ATG10: variants seen among roughly 807,000 people sequenced by gnomAD.
The protein encoded by ATG10 is ubiquitin-like-conjugating enzyme ATG10.
In ATG10, 30 loss-of-function variants were observed where a neutral mutation model predicts 32.1. The observed-to-expected ratio is 0.94, with a 90% confidence interval of 0.70 to 1.27. The LOEUF (loss-of-function observed/expected upper bound fraction) is 1.27. Among genes scored for constraint, ATG10 ranks in the 50% most tolerant of loss-of-function variants. The pLI, the probability that ATG10 is intolerant of heterozygous loss-of-function variation, is 0.00. For missense variants in ATG10, 233 were observed against 262.3 expected, an observed-to-expected ratio of 0.89 and a Z score of 0.77; for synonymous variants, 87 against 91.5, an observed-to-expected ratio of 0.95 and a Z score of 0.28.
chr5:81,986,304 C>T (rs761444434), intron 1 of ATG10, among the ~76,000 whole-genome samples: 10 of 152,176 alleles, frequency 6.6e-5, no homozygotes, highest in Admixed American at 1.3e-4. Context: ...GGAGCAGAGG[C>T]GCTTCGTGAT....
chr5:81,987,759 C>A, intron 2 of ATG10, 81 bp downstream of exon 2: 1 of 1,013,412 alleles, frequency 9.9e-7, no homozygotes, highest in Non-Finnish European at 1.5e-6. Flanking sequence ...CAGGTAAAAC[C>A]TCCATAATTG....
intron 5 of ATG10, among the ~76,000 whole-genome samples, chr5:82,192,767 T>C (rs1182455815): frequency 3.3e-5 from 5 of 152,192 alleles, no homozygotes; most frequent in Non-Finnish European, 4.4e-5. Flanking sequence ...TTCTATTCTA[T>C]ATAAAATAAA....
At chr5:82,204,070 A>T (rs2149967662) in intron 5 of ATG10, among the ~76,000 whole-genome samples, 1 of 152,330 alleles carries the variant, frequency 6.6e-6, no homozygotes, top group Non-Finnish European at 1.5e-5. Flanking sequence ...TATGGAAATA[A>T]ATAAAACATG....
intron 1 of ATG10, among the ~76,000 whole-genome samples, chr5:81,983,235 ACC>A (rs761540035): frequency 0.049 from 3,755 of 75,970 alleles, 134 homozygotes; most frequent in Middle Eastern, 0.11. Context: ...CTGGGGGCTG[ACC>A]CCCCCCCCCA....
intron 5 of ATG10, among the ~76,000 whole-genome samples, chr5:82,193,711 A>C (rs552722417): frequency 2.0e-4 from 31 of 152,340 alleles, no homozygotes; most frequent in Non-Finnish European, 4.1e-4. Flanking sequence ...TAAAATAATC[A>C]CTTTTGATTC....
At chr5:82,216,770 C>A (rs1745696405) in intron 5 of ATG10, among the ~76,000 whole-genome samples, 1 of 152,044 alleles carries the variant, frequency 6.6e-6, no homozygotes, top group South Asian at 2.1e-4. Flanking sequence ...AAGATGGTAG[C>A]AACAGGCCAG....
At chr5:82,084,974 C>T (rs1764619096) in intron 3 of ATG10, among the ~76,000 whole-genome samples, 1 of 152,136 alleles carries the variant, frequency 6.6e-6, no homozygotes, top group Non-Finnish European at 1.5e-5. Context: ...CAAATTCACA[C>T]AGAACAATAT....
intron 1 of ATG10, among the ~76,000 whole-genome samples, chr5:81,972,802 G>A (rs1760762491): frequency 6.6e-6 from 1 of 152,028 alleles, no homozygotes; most frequent in East Asian, 1.9e-4. Flanking sequence ...TCAAGAATTG[G>A]CGGGGAGGAC....
chr5:82,041,689 T>C lies in ATG10; in HGVS notation c.109-16806T>C, dbSNP rs530227482. Reference sequence around the variant, plus strand: ...GCTTCAGGTAAATGAGCTCTAGAAATCTTTGATGTGCTTAAAGTTTGATAA... The same window carrying C: ...GCTTCAGGTAAATGAGCTCTAGAAACCTTTGATGTGCTTAAAGTTTGATAA... On this transcript the variant is annotated intron_variant, in intron 2 of 7. Coordinates refer to ENST00000282185, the MANE Select transcript of ATG10 (RefSeq NM_031482.5). Among the ~76,000 whole-genome samples, 340 of 152,252 alleles carry C rather than the reference T, an allele frequency of 2.2e-3. 1 individual carries two copies. The highest frequency in any genetic ancestry group is 7.9e-3 in the African/African-American group (328 of 41,568).
At chr5:82,094,018 T>C (rs1764973070) in intron 3 of ATG10, among the ~76,000 whole-genome samples, 1 of 152,134 alleles carries the variant, frequency 6.6e-6, no homozygotes, top group Non-Finnish European at 1.5e-5. Flanking sequence ...CTGGGTTCTT[T>C]CCTTATACAC....
intron 4 of ATG10, among the ~76,000 whole-genome samples, chr5:82,173,217 G>T (rs182470659): frequency 4.4e-4 from 67 of 152,264 alleles, no homozygotes; most frequent in Non-Finnish European, 6.8e-4. Flanking sequence ...CAGCGTGCTT[G>T]CACTAGAGTT....
chr5:82,178,338 T>G (rs1744109559), intron 4 of ATG10, 152 bp from the exon 5 acceptor site: 1 of 468,234 alleles, frequency 2.1e-6, no homozygotes, highest in African/African-American at 2.0e-5. Context: ...AAGAAAATAG[T>G]AATTCATATA....
At chr5:82,139,421 A>C (rs1308246103) in intron 3 of ATG10, among the ~76,000 whole-genome samples, 6 of 127,860 alleles carry the variant, frequency 4.7e-5, no homozygotes, top group East Asian at 2.4e-4. Context: ...AGCCGCCATC[A>C]CATCTAGGAA....
intron 2 of ATG10, among the ~76,000 whole-genome samples, chr5:82,024,114 C>A (rs762103963): frequency 6.6e-6 from 1 of 152,120 alleles, no homozygotes. Context: ...CTCTCATAAA[C>A]CTCAAAGTGT....
chr5:82,005,750 T>A (rs73768603), intron 2 of ATG10, among the ~76,000 whole-genome samples: 1,796 of 152,288 alleles, frequency 0.012, 24 homozygotes, highest in African/African-American at 0.042. Flanking sequence ...TCCTATAGAT[T>A]TTCAGCTTCC....
chr5:82,012,021 A>C (rs1010322495), intron 2 of ATG10, among the ~76,000 whole-genome samples: 2 of 152,116 alleles, frequency 1.3e-5, no homozygotes, highest in South Asian at 2.1e-4. Flanking sequence ...TTTACTGATG[A>C]TGCTGCTGGA....
chr5:82,005,328 T>C (rs546827978), intron 2 of ATG10, among the ~76,000 whole-genome samples: 1 of 152,342 alleles, frequency 6.6e-6, no homozygotes, highest in South Asian at 2.1e-4. Context: ...AGAGTCTCAC[T>C]CTTTCGCCGA....
chr5:81,993,259 T>C (rs1761512894), intron 2 of ATG10, among the ~76,000 whole-genome samples: 1 of 151,824 alleles, frequency 6.6e-6, no homozygotes, highest in Admixed American at 6.6e-5. Flanking sequence ...AATGTTATTT[T>C]GCATTCAAAG....
chr5:82,113,711 T>C (rs1396116093), intron 3 of ATG10, among the ~76,000 whole-genome samples: 2 of 152,018 alleles, frequency 1.3e-5, no homozygotes, highest in Non-Finnish European at 2.9e-5. Flanking sequence ...AAGAAAAAAT[T>C]ATCTCTTTGT....
Sources: gnomAD v4.1 joint callset for allele counts (sites outside exome capture counted in the v4.1 genomes callset) on GRCh38, gnomAD v4.1.1 for gene constraint, MANE v1.5 for transcripts, NCBI Gene and HGNC (gene_info 2026-07-23, HGNC 2026-07-21) for gene names.